Variants in RABGAP1 observed in about 807,000 individuals in gnomAD.
RABGAP1 encodes RAB GTPase activating protein 1.
In RABGAP1, 23 loss-of-function variants were observed where a neutral mutation model predicts 137.6. That is an observed-to-expected ratio of 0.17 (90% confidence interval 0.12 to 0.24). RABGAP1 has a LOEUF of 0.24. Ranked by LOEUF, RABGAP1 falls within the 10% of genes least tolerant of loss-of-function variation. The probability of loss-of-function intolerance (pLI) is 1.00; values close to 1 mark genes in which losing one functional copy is unlikely to be tolerated. For missense variants in RABGAP1, 906 were observed against 1,275.8 expected (o/e 0.71, Z 4.42); for synonymous variants, 451 against 450.7 (o/e 1.00, Z -0.01).
intron 13 of RABGAP1, among the ~76,000 whole-genome samples, chr9:123,038,218 A>G (rs2032770671): frequency 6.6e-6 from 1 of 152,122 alleles, no homozygotes; most frequent in Non-Finnish European, 1.5e-5. Flanking sequence ...CGTTTTTTTC[A>G]CGGGCCTATT....
Position 122,962,092 on chromosome 9 carries a change from T to C in RABGAP1, c.150+4883T>C, listed in dbSNP as rs546139119. Among the ~76,000 whole-genome samples, 173 of 152,164 alleles carry C rather than the reference T, an allele frequency of 1.1e-3. 1 individual carries two copies. Among genetic ancestry groups the C allele is most frequent in the Non-Finnish European group, 2.0e-3 (135 of 68,018 alleles). On this transcript the variant is annotated intron_variant, in intron 2 of 25. Coordinates refer to ENST00000373647, the MANE Select transcript of RABGAP1 (RefSeq NM_012197.4). Reference sequence around the variant, plus strand: ...CTAACATTTATAGATATAATGTGTATAGCAATACCACAAAAGGCAGGGGGA... The same window carrying C: ...CTAACATTTATAGATATAATGTGTACAGCAATACCACAAAAGGCAGGGGGA...
At chr9:123,013,835 C>G (rs2031011495) in intron 11 of RABGAP1, among the ~76,000 whole-genome samples, 1 of 152,114 alleles carries the variant, frequency 6.6e-6, no homozygotes, top group African/African-American at 2.4e-5. Flanking sequence ...GATGCAGATT[C>G]AACATGTAGT....
intron 13 of RABGAP1, among the ~76,000 whole-genome samples, chr9:123,051,257 T>TGG (rs2033456535): frequency 4.3e-5 from 3 of 69,626 alleles, no homozygotes; most frequent in Non-Finnish European, 7.3e-5. Flanking sequence ...TTTTTTTTTT[T>TGG]TTTTTTTGAG....
At chr9:122,940,863 G>C (rs566928484), upstream of RABGAP1, 1 of 152,540 alleles carries the variant, frequency 6.6e-6, no homozygotes, top group African/African-American at 2.4e-5. Context: ...GCCCAGGTGG[G>C]GCTCGGAGAA....
In RABGAP1 at chr9:122,966,745, G is replaced by A. The variant is rs528627558; in HGVS notation, c.150+9536G>A. Among the ~76,000 whole-genome samples the A allele has an allele frequency of 4.6e-5, 7 of 152,214 alleles. No individual in the cohort carries two copies. In the South Asian group the frequency reaches 1.0e-3, roughly 23 times the overall value. ...TCGTTTTCACACTGCTGATAAAGAC[G>A]CACCTGAGACTGGGAAGAAAAAGAG... On this transcript the variant is annotated intron_variant, in intron 2 of 25. Coordinates refer to ENST00000373647, the MANE Select transcript of RABGAP1 (RefSeq NM_012197.4).
intron 2 of RABGAP1, among the ~76,000 whole-genome samples, chr9:122,965,137 A>G (rs1835070795): frequency 6.6e-6 from 1 of 152,254 alleles, no homozygotes; most frequent in Non-Finnish European, 1.5e-5. Flanking sequence ...AATGTAGTAT[A>G]CAATGGAATA....
chr9:123,057,471 T>C (rs567884625), intron 13 of RABGAP1, among the ~76,000 whole-genome samples: 5,367 of 142,760 alleles, frequency 0.038, 134 homozygotes, highest in Non-Finnish European at 0.059. Context: ...CGGGCAGAGA[T>C]GCTCCTCACT....
chr9:122,990,118 T>G lies in RABGAP1; in HGVS notation c.828T>G (p.Leu276=). The G allele has an allele frequency of 1.9e-6, 3 of 1,611,016 alleles. No homozygotes were observed. The highest frequency in any genetic ancestry group is 2.5e-6 in the Non-Finnish European group (3 of 1,177,200). ...AFRRSAKQTP[L]SATAAPQTPD... is the part of the protein sequence containing the mutation. ...GCCGTTCTGCCAAGCAGACCCCACT[T>G]TCAGCCACTGCTGCACCCCAGACTC... Residue 276 remains leucine (L), a synonymous_variant, in exon 6 of 26, where the codon CTT becomes CTG. Coordinates refer to ENST00000373647, the MANE Select transcript of RABGAP1 (RefSeq NM_012197.4).
At chr9:123,048,672 A>G (rs752685750) in intron 13 of RABGAP1, among the ~76,000 whole-genome samples, 14 of 152,278 alleles carry the variant, frequency 9.2e-5, no homozygotes, top group South Asian at 2.1e-4. Flanking sequence ...GACTTTGCAT[A>G]TAATAATTTT....
rs184953917 is a variant in RABGAP1 at position 123,054,421 on chromosome 9, C to T, written c.1795-10927C>T. 4.2e-3 allele frequency among the ~76,000 whole-genome samples: 643 copies of T among 152,150 alleles called. 7 individuals carry two copies. The highest frequency in any genetic ancestry group is 0.015 in the African/African-American group (610 of 41,508). On this transcript the variant is annotated intron_variant, in intron 13 of 25. Transcript: ENST00000373647. The stretch of plus-strand genomic sequence containing the variant: ...ATTGTAGAATAAGGAAGTAATTAAC[C>T]TTTTTTTATTTTAATAAACTTTATT...
chr9:123,047,452 T>C (rs2033254862), intron 13 of RABGAP1, among the ~76,000 whole-genome samples: 1 of 152,184 alleles, frequency 6.6e-6, no homozygotes, highest in Non-Finnish European at 1.5e-5. Context: ...GAGAGTCCTT[T>C]AAGGCATTAC....
intron 13 of RABGAP1, chr9:123,062,073 GC>G (rs1279728502): frequency 6.6e-6 from 1 of 152,200 alleles, no homozygotes; most frequent in Non-Finnish European, 1.5e-5. Context: ...TTGAAAACCA[GC>G]CTGACCAACG....
intron 14 of RABGAP1, among the ~76,000 whole-genome samples, chr9:123,068,388 T>G (rs1163212046): frequency 6.6e-6 from 1 of 151,332 alleles, no homozygotes; most frequent in African/African-American, 2.4e-5. Flanking sequence ...TATCTAGACA[T>G]TGGGAGTTGT....
chr9:122,952,427 T>C (rs921732585), intron 1 of RABGAP1, among the ~76,000 whole-genome samples: 1 of 151,684 alleles, frequency 6.6e-6, no homozygotes, highest in Non-Finnish European at 1.5e-5. Flanking sequence ...CCTGGCTAAT[T>C]TTTTTTTCTT....
intron 11 of RABGAP1, among the ~76,000 whole-genome samples, chr9:123,011,771 A>G (rs973142342): frequency 1.4e-5 from 2 of 145,462 alleles, no homozygotes; most frequent in African/African-American, 5.1e-5. Flanking sequence ...TCTGGCCAAC[A>G]TGGTGAAACC....
At chr9:123,024,534 G>A (rs778327372) in intron 13 of RABGAP1, among the ~76,000 whole-genome samples, 26 of 151,898 alleles carry the variant, frequency 1.7e-4, no homozygotes, top group Non-Finnish European at 2.8e-4. Context: ...CCGCCTCCCG[G>A]GTTCAAACGA....
intron 13 of RABGAP1, among the ~76,000 whole-genome samples, chr9:123,056,234 C>A (rs146926502): frequency 2.6e-4 from 39 of 152,272 alleles, no homozygotes; most frequent in Non-Finnish European, 5.0e-4. Flanking sequence ...ATGTTGACAG[C>A]AAATCATGTA....
chr9:122,935,068 C>T, the RABGAP1 span, among the ~76,000 whole-genome samples: 4 of 152,172 alleles, frequency 2.6e-5, no homozygotes, highest in Admixed American at 6.5e-5. Context: ...ATCTTCATTT[C>T]TGCCATTACT....
At chr9:122,978,765 A>G (rs1005766141) in intron 2 of RABGAP1, among the ~76,000 whole-genome samples, 1 of 152,216 alleles carries the variant, frequency 6.6e-6, no homozygotes, top group African/African-American at 2.4e-5. Context: ...AAAAATGGAT[A>G]ATATGACTAG....
Sources: gnomAD v4.1 joint callset for allele counts (sites outside exome capture counted in the v4.1 genomes callset) on GRCh38, gnomAD v4.1.1 for gene constraint, MANE v1.5 for transcripts, NCBI Gene and HGNC (gene_info 2026-07-23, HGNC 2026-07-21) for gene names.